ESYT3: variants seen among roughly 807,000 people sequenced by gnomAD.
ESYT3 encodes the protein extended synaptotagmin-3.
ESYT3 carries 101 observed loss-of-function variants against 111.5 expected under a neutral mutation model. That is an observed-to-expected ratio of 0.91 (90% confidence interval 0.77 to 1.07). The LOEUF (loss-of-function observed/expected upper bound fraction) is 1.07. Among genes scored for constraint, ESYT3 ranks in the 50% least tolerant of loss-of-function variants. The pLI is 0.00. For synonymous variants in ESYT3, 416 were observed against 446.8 expected (o/e 0.93, Z 0.87); for missense variants, 1,097 against 1,109.4 (o/e 0.99, Z 0.16).
intron 18 of ESYT3, chr3:138,473,319 T>C (rs1261649100): frequency 1.6e-6 from 1 of 633,182 alleles, no homozygotes; most frequent in Non-Finnish European, 2.5e-6. Context: ...CAAAGGCAGA[T>C]TCCACTTCAG....
At chr3:138,443,842 G>A (rs2031344493) in intron 1 of ESYT3, among the ~76,000 whole-genome samples, 1 of 151,952 alleles carries the variant, frequency 6.6e-6, no homozygotes, top group South Asian at 2.1e-4. Context: ...TTTAAGTGAG[G>A]CTCCTTAGTC....
intron 4 of ESYT3, among the ~76,000 whole-genome samples, chr3:138,458,207 C>G (rs958710771): frequency 6.6e-6 from 1 of 152,182 alleles, no homozygotes; most frequent in Non-Finnish European, 1.5e-5. Flanking sequence ...TGTTGCCATT[C>G]CTTTCCCATG....
intron 19 of ESYT3, 55 bp downstream of exon 19, chr3:138,473,689 T>C (rs1016221291): frequency 1.4e-6 from 2 of 1,455,950 alleles, no homozygotes; most frequent in Non-Finnish European, 9.6e-7. Flanking sequence ...TGACCATAAA[T>C]CAGAGTAGGG....
Position 138,478,033 on chromosome 3 carries a change from C to T in ESYT3, c.*1179C>T, listed in dbSNP as rs2033565965. ...TATGCTCTGCTGACTCAAGTCATGT[C>T]TCAAACCTATTTCCTCTATTAAGTA... is the stretch of plus-strand genomic sequence containing the variant. On this transcript the variant is annotated 3_prime_UTR_variant, in exon 23 of 23. Coordinates refer to ENST00000389567, the MANE Select transcript of ESYT3 (RefSeq NM_031913.5). The T allele has an allele frequency of 6.6e-6, 1 of 152,186 alleles. No individual in the cohort carries two copies. The highest frequency in any genetic ancestry group is 1.9e-4 in the East Asian group (1 of 5,200). The allele number at this position is 152,186 out of a possible 1,614,324, so 9.4% of individuals were successfully genotyped here.
intron 2 of ESYT3, 137 bp from the exon 3 acceptor site, chr3:138,455,057 A>T: frequency 1.1e-6 from 1 of 917,640 alleles, no homozygotes; most frequent in Non-Finnish European, 1.7e-6. Context: ...GTGGGCAGGC[A>T]AGCAGGTGAG....
At chr3:138,452,798 C>A (rs1282703644) in intron 2 of ESYT3, among the ~76,000 whole-genome samples, 1 of 152,208 alleles carries the variant, frequency 6.6e-6, no homozygotes, top group African/African-American at 2.4e-5. Flanking sequence ...ACAAACCTTG[C>A]CTCTGGGAGG....
At position 138,436,114 on chromosome 3, in the gene ESYT3, A is replaced by G. The variant is rs144164732; in HGVS notation, c.327+989A>G. 2.2e-3 allele frequency among the ~76,000 whole-genome samples: 329 copies of G among 152,266 alleles called. 1 individual carries two copies. The highest frequency in any genetic ancestry group is 7.6e-3 in the African/African-American group (315 of 41,514). On this transcript the variant is annotated intron_variant, in intron 1 of 22. Coordinates refer to ENST00000389567, the MANE Select transcript of ESYT3 (RefSeq NM_031913.5). ...GTAAAGTGAGGTGTGAGAAAAAAAT[A>G]TAAGGCCCATTTAGTTTATCTTATA...
chr3:138,476,026 C>T (rs957194752), intron 20 of ESYT3, among the ~76,000 whole-genome samples, 197 bp from the exon 21 acceptor site: 3 of 152,196 alleles, frequency 2.0e-5, no homozygotes, highest in African/African-American at 4.8e-5. Context: ...CTTAATACTT[C>T]TGGATTTTGT....
At chr3:138,475,617 G>A (rs1267891377) in intron 20 of ESYT3, among the ~76,000 whole-genome samples, 1 of 152,148 alleles carries the variant, frequency 6.6e-6, no homozygotes, top group Non-Finnish European at 1.5e-5. Flanking sequence ...TTCAGGGTGA[G>A]GAGGGCCAGC....
chr3:138,467,532 A>G (rs372423899), intron 10 of ESYT3, 29 bp from the exon 11 acceptor site: 2 of 1,613,532 alleles, frequency 1.2e-6, no homozygotes, highest in South Asian at 2.2e-5. Context: ...CTCTGAGCTG[A>G]CCCAATCCCC....
chr3:138,441,443 G>A (rs1338412773), intron 1 of ESYT3, among the ~76,000 whole-genome samples: 1 of 152,058 alleles, frequency 6.6e-6, no homozygotes. Context: ...GATGGTCACC[G>A]GCTCCCACTG....
chr3:138,473,772 G>A (rs1455041812), intron 19 of ESYT3, 138 bp downstream of exon 19: 2 of 753,922 alleles, frequency 2.7e-6, no homozygotes, highest in East Asian at 5.4e-5. Flanking sequence ...AGATTTGAAG[G>A]CCTGAACACT....
intron 4 of ESYT3, among the ~76,000 whole-genome samples, chr3:138,458,066 C>G (rs147665688): frequency 6.6e-6 from 1 of 152,146 alleles, no homozygotes; most frequent in African/African-American, 2.4e-5. Flanking sequence ...GCAAGGATAT[C>G]TCTTTGAAAT....
Position 138,479,281 on chromosome 3 carries a change from C to CAAAT in ESYT3, c.*2430_*2433dup, listed in dbSNP as rs1219407252. On this transcript the variant is annotated 3_prime_UTR_variant, in exon 23 of 23. Coordinates refer to ENST00000389567, the MANE Select transcript of ESYT3 (RefSeq NM_031913.5). ...ATGATGATTGTTCACAAGATATAAACAAATAACCAAAGATTTTTGCAAGGG... is the reference window on the plus strand; with the variant it reads ...ATGATGATTGTTCACAAGATATAAACAAATAAATAACCAAAGATTTTTGCAAGGG... 6.6e-6 allele frequency: 1 copy of CAAAT among 152,096 alleles called. No individual in the cohort carries two copies. 9.4% of individuals were successfully genotyped at this position (152,096 alleles called of 1,614,324 possible). A position where few individuals can be genotyped will look rare whatever the true frequency, so the allele number is the denominator to read the frequency against.
downstream of ESYT3, chr3:138,481,629 G>A (rs575014512): frequency 6.6e-6 from 1 of 151,654 alleles, no homozygotes; most frequent in African/African-American, 2.4e-5. Context: ...GCCTCGCAAA[G>A]TGCTGGGATT....
At chr3:138,456,633 A>T (rs1244227157) in intron 3 of ESYT3, among the ~76,000 whole-genome samples, 1 of 152,120 alleles carries the variant, frequency 6.6e-6, no homozygotes, top group African/African-American at 2.4e-5. Flanking sequence ...TTAAATTCTT[A>T]TAGGAGCACA....
At chr3:138,451,903 C>T (rs2031955066) in intron 1 of ESYT3, 145 bp from the exon 2 acceptor site, 2 of 849,864 alleles carry the variant, frequency 2.4e-6, no homozygotes, top group Admixed American at 1.9e-5. Flanking sequence ...GCGGAGAGCG[C>T]ACCTGTGACC....
chr3:138,454,225 C>T (rs534661473), intron 2 of ESYT3, among the ~76,000 whole-genome samples: 2 of 152,066 alleles, frequency 1.3e-5, no homozygotes, highest in African/African-American at 4.8e-5. Flanking sequence ...CCAGCCTGGG[C>T]GACAGAGTGA....
At chr3:138,457,765 C>G in intron 4 of ESYT3, 121 bp downstream of exon 4, 1 of 878,932 alleles carries the variant, frequency 1.1e-6, no homozygotes. Flanking sequence ...CTCACAGGAC[C>G]CTCCCCTCCT....
Sources: gnomAD v4.1 joint callset for allele counts (sites outside exome capture counted in the v4.1 genomes callset) on GRCh38, gnomAD v4.1.1 for gene constraint, MANE v1.5 for transcripts, NCBI Gene and HGNC (gene_info 2026-07-23, HGNC 2026-07-21) for gene names.